KIF11: variants seen among roughly 807,000 people sequenced by gnomAD.
KIF11 encodes kinesin-like protein KIF11.
Under a neutral mutation model 121.0 loss-of-function variants are expected in KIF11, and 9 were observed. That is an observed-to-expected ratio of 0.07 (90% CI 0.04 to 0.13). KIF11 has a LOEUF of 0.13. Ranked by LOEUF, KIF11 falls within the 10% of genes least tolerant of loss-of-function variation. The probability of loss-of-function intolerance (pLI) is 1.00; values close to 1 mark genes in which losing one functional copy is unlikely to be tolerated. For missense variants in KIF11, 846 were observed against 1,217.5 expected, an observed-to-expected ratio of 0.69 and a Z score of 4.54; for synonymous variants, 408 against 421.0, an observed-to-expected ratio of 0.97 and a Z score of 0.38.
chr10:92,606,658 A>T lies in KIF11; in HGVS notation c.250A>T (p.Ser84Cys). 6.3e-7 allele frequency: 1 copy of T among 1,598,862 alleles called. No individual in the cohort carries two copies. Among genetic ancestry groups the T allele is most frequent in the Non-Finnish European group, 8.6e-7 (1 of 1,166,600 alleles). Residue 84 changes from serine (S) to cysteine (C), a missense_variant, in exon 3 of 22, where the codon AGT becomes TGT. Transcript: ENST00000260731. ...TACTAAACAGATTGATGTTTACCGA[A>T]GTGTTGTTTGTCCAATTCTGGATGA... is the stretch of plus-strand genomic sequence containing the variant. Reference protein sequence around the residue: ...ASTKQIDVYRSVVCPILDEVI... With the variant: ...ASTKQIDVYRCVVCPILDEVI...
chr10:92,630,509 A>T, intron 12 of KIF11, 145 bp downstream of exon 12: 1 of 482,144 alleles, frequency 2.1e-6, no homozygotes. Flanking sequence ...TATTTCATCC[A>T]TGTTTTTCTC....
chr10:92,617,864 C>T (rs535560677), intron 9 of KIF11, among the ~76,000 whole-genome samples: 25 of 152,158 alleles, frequency 1.6e-4, no homozygotes, highest in African/African-American at 5.5e-4. Flanking sequence ...CTCAGTCTCC[C>T]GAGTAGCTGG....
intron 17 of KIF11, among the ~76,000 whole-genome samples, chr10:92,640,579 C>G (rs1202992632): frequency 6.8e-6 from 1 of 147,356 alleles, no homozygotes; most frequent in Non-Finnish European, 1.5e-5. Flanking sequence ...CTACAGATGC[C>G]CGCCACCATG....
intron 17 of KIF11, among the ~76,000 whole-genome samples, chr10:92,644,472 C>T (rs1214558481): frequency 6.6e-6 from 1 of 152,130 alleles, no homozygotes; most frequent in Non-Finnish European, 1.5e-5. Flanking sequence ...CACCCACCAC[C>T]ACGCCCGGCT....
chr10:92,628,986 G>C, intron 11 of KIF11, 91 bp downstream of exon 11: 1 of 747,604 alleles, frequency 1.3e-6, no homozygotes, highest in Non-Finnish European at 2.2e-6. Context: ...TTTCCTTCAA[G>C]ATTTTTTTTT....
At chr10:92,642,613 G>A (rs768643581) in intron 17 of KIF11, among the ~76,000 whole-genome samples, 11 of 152,116 alleles carry the variant, frequency 7.2e-5, no homozygotes, top group Non-Finnish European at 1.3e-4. Context: ...TTTGCCTCGT[G>A]TATCTGAAAC....
chr10:92,600,920 G>A (rs886798076), intron 1 of KIF11, among the ~76,000 whole-genome samples: 1 of 151,860 alleles, frequency 6.6e-6, no homozygotes, highest in Non-Finnish European at 1.5e-5. Flanking sequence ...GAGCGCGGTG[G>A]CGCCATCTCT....
chr10:92,652,420 G>A (rs986334507), intron 21 of KIF11, among the ~76,000 whole-genome samples: 3 of 152,070 alleles, frequency 2.0e-5, no homozygotes, highest in East Asian at 1.9e-4. Context: ...GATTACAAGC[G>A]TGAGCCACCG....
chr10:92,611,329 C>T (rs1351030615), intron 6 of KIF11, among the ~76,000 whole-genome samples: 13 of 152,074 alleles, frequency 8.5e-5, no homozygotes, highest in Admixed American at 7.2e-4. Context: ...TCTCCTGCCT[C>T]AGCCTCCTGA....
chr10:92,607,661 A>C (rs995205865), intron 4 of KIF11, among the ~76,000 whole-genome samples: 1 of 152,196 alleles, frequency 6.6e-6, no homozygotes, highest in African/African-American at 2.4e-5. Context: ...TGTATTGTTT[A>C]ATATTGCAGA....
At chr10:92,598,108 G>C (rs1157837480) in intron 1 of KIF11, among the ~76,000 whole-genome samples, 1 of 152,134 alleles carries the variant, frequency 6.6e-6, no homozygotes, top group Non-Finnish European at 1.5e-5. Flanking sequence ...TTTTTATGAA[G>C]TCCAGTTTGT....
Position 92,606,366 on chromosome 10 carries a change from A to T in KIF11, c.179A>T (p.Lys60Met), listed in dbSNP as rs1298166671. The T allele has an allele frequency of 1.9e-6, 3 of 1,611,520 alleles. No homozygotes were observed. Among genetic ancestry groups the T allele is most frequent in the Non-Finnish European group, 1.7e-6 (2 of 1,179,220 alleles). ...GTACGAACTGGAGGATTGGCTGACA[A>T]GAGCTCAAGGAAAACATACACTTTT... ...VSVRTGGLAD[K>M]SSRKTYTFDM... Residue 60 changes from lysine to methionine, a missense_variant, in exon 2 of 22, where the codon AAG becomes ATG. Lys to Met is a moderately conservative substitution (Grantham distance 95, BLOSUM62 -1). Transcript: ENST00000260731.
chr10:92,634,348 C>T (rs1356887545), intron 14 of KIF11, among the ~76,000 whole-genome samples: 1 of 151,294 alleles, frequency 6.6e-6, no homozygotes, highest in East Asian at 2.0e-4. Flanking sequence ...CGGCTCACTG[C>T]AACCTCTGCC....
Position 92,632,475 on chromosome 10 carries a change from TA to T in KIF11, c.1495-6del, listed in dbSNP as rs1236742022. The T allele has an allele frequency of 1.3e-6, 2 of 1,561,242 alleles. No individual in the cohort carries two copies. Among genetic ancestry groups the T allele is most frequent in the South Asian group, 2.3e-5 (2 of 88,700 alleles). On this transcript the variant is annotated splice_polypyrimidine_tract_variant and intron_variant, in intron 12 of 21. Transcript: ENST00000260731. ...ATCCATTTTGTCTAACACTTATTTT[TA>T]AAAATATAGCTGCTTAACACAGTTG...
chr10:92,609,226 G>T (rs1412939758), intron 5 of KIF11, 21 bp downstream of exon 5: 34 of 1,533,946 alleles, frequency 2.2e-5, no homozygotes, highest in Non-Finnish European at 3.0e-5. Flanking sequence ...CTTTGAGAAT[G>T]AAATGTCTCT....
At position 92,596,005 on chromosome 10, in the gene KIF11, G is replaced by T. The variant is rs535794021; in HGVS notation, c.77+2553G>T. On this transcript the variant is annotated intron_variant, in intron 1 of 21. Coordinates refer to ENST00000260731, the MANE Select transcript of KIF11 (RefSeq NM_004523.4). ...GGATACTTGAGTTACTTCTTTTTTT[G>T]TTGTTGTTGTTTTTGAGACCGAGTC... is the stretch of plus-strand genomic sequence containing the variant. 4.6e-5 allele frequency among the ~76,000 whole-genome samples: 7 copies of T among 151,824 alleles called. No individual in the cohort carries two copies. The East Asian group carries it at 5.8e-4, about 13-fold the overall frequency.
intron 6 of KIF11, among the ~76,000 whole-genome samples, chr10:92,609,928 G>A (rs1844477085): frequency 6.6e-6 from 1 of 152,026 alleles, no homozygotes; most frequent in Non-Finnish European, 1.5e-5. Context: ...GTAGAGATGT[G>A]GTTTCACCAT....
At chr10:92,638,413 C>T (rs1227322864) in intron 16 of KIF11, among the ~76,000 whole-genome samples, 1 of 152,054 alleles carries the variant, frequency 6.6e-6, no homozygotes, top group Non-Finnish European at 1.5e-5. Context: ...TGTTTTTTGG[C>T]AACTTAAAAC....
At chr10:92,645,950 C>CTTT (rs33915127) in intron 18 of KIF11, among the ~76,000 whole-genome samples, 4 of 101,740 alleles carry the variant, frequency 3.9e-5, no homozygotes, top group Admixed American at 9.8e-5. Flanking sequence ...CTTATATATG[C>CTTT]TTTTTTTTTT....
Sources: allele counts gnomAD v4.1 joint callset (sites outside exome capture counted in the v4.1 genomes callset), GRCh38; gene constraint gnomAD v4.1.1; transcripts MANE v1.5; gene names NCBI Gene and HGNC (gene_info 2026-07-23, HGNC 2026-07-21).